COL9A1: variants seen among roughly 807,000 people sequenced by gnomAD.
COL9A1 encodes the protein collagen type IX alpha 1 chain.
COL9A1 carries 104 observed loss-of-function variants against 142.6 expected under a neutral mutation model. The ratio of observed to expected loss-of-function variants is 0.73; its 90% CI spans 0.62 to 0.86. The LOEUF (loss-of-function observed/expected upper bound fraction) is 0.86. COL9A1 is among the 40% of genes least tolerant of loss of function. The probability of loss-of-function intolerance (pLI) is 0.00; values close to 1 mark genes in which losing one functional copy is unlikely to be tolerated. For synonymous variants in COL9A1, 466 were observed against 396.0 expected, an observed-to-expected ratio of 1.18 and a Z score of -2.10; for missense variants, 1,210 against 1,176.6, an observed-to-expected ratio of 1.03 and a Z score of -0.42.
rs71309305 is a variant in COL9A1 at position 70,273,941 on chromosome 6, TAATA to T, written c.1065+102_1065+105del. On this transcript the variant is annotated intron_variant, in intron 12 of 37. Transcript: ENST00000357250. ...ATGTACCCTAAAACTTAAAGTATAATAATAAATAAATAAATAAATAAATAAATAA... is the reference window on the plus strand; with the variant it reads ...ATGTACCCTAAAACTTAAAGTATAATAATAAATAAATAAATAAATAAATAA... 0.32 allele frequency: 153,511 copies of T among 473,198 alleles called. 28,667 individuals carry two copies. The highest frequency in any genetic ancestry group is 0.43 in the African/African-American group (19,305 of 44,920). The allele number at this position is 473,198 out of a possible 1,614,324, so 29.3% of individuals were successfully genotyped here. A position where few individuals can be genotyped will look rare whatever the true frequency, so the allele number is the denominator to read the frequency against.
intron 37 of COL9A1, among the ~76,000 whole-genome samples, chr6:70,221,521 T>C (rs562194696): frequency 6.6e-6 from 1 of 152,282 alleles, no homozygotes; most frequent in South Asian, 2.1e-4. Context: ...GTGTGTATTT[T>C]TCCACTCAAT....
intron 4 of COL9A1, among the ~76,000 whole-genome samples, chr6:70,297,958 A>G (rs1215822527): frequency 6.6e-6 from 1 of 152,132 alleles, no homozygotes; most frequent in Non-Finnish European, 1.5e-5. Flanking sequence ...ATACCGTAAT[A>G]TTTTCCTCCC....
intron 5 of COL9A1, among the ~76,000 whole-genome samples, chr6:70,286,526 A>G (rs1302743618): frequency 6.6e-6 from 1 of 152,210 alleles, no homozygotes; most frequent in Non-Finnish European, 1.5e-5. Context: ...ACAACTATAA[A>G]ACACCAAAAA....
chr6:70,241,995 G>A lies in COL9A1; in HGVS notation c.1967C>T (p.Pro656Leu), dbSNP rs1434389439. 19 of 1,600,120 alleles carry A rather than the reference G, an allele frequency of 1.2e-5. No individual in the cohort carries two copies. Among genetic ancestry groups the A allele is most frequent in the Non-Finnish European group, 1.5e-5 (18 of 1,172,358 alleles). ...GSPGLPGLPG[P>L]PGLPGMKGDR... ...ACCTTTCATTCCAGGAAGTCCAGGG[G>A]GCCCAGGCAAGCCAGGGAGGCCAGG... is the stretch of plus-strand genomic sequence containing the variant. The change falls in exon 30 of 38, where the codon CCC becomes CTC. Residue 656 changes from proline (P) to leucine (L), a missense_variant. Physicochemically the swap from Pro to Leu is moderately conservative, Grantham distance 98. Coordinates refer to ENST00000357250, the MANE Select transcript of COL9A1 (RefSeq NM_001851.6).
intron 24 of COL9A1, 67 bp downstream of exon 24, chr6:70,254,896 A>T: frequency 7.1e-7 from 1 of 1,416,312 alleles, no homozygotes; most frequent in Non-Finnish European, 1.0e-6. Flanking sequence ...AGTAATGGAA[A>T]TGCCACACTC....
Position 70,242,033 on chromosome 6 carries a change from A to G in COL9A1, c.1929T>C (p.Gly643=). The G allele has an allele frequency of 1.9e-6, 3 of 1,591,286 alleles. No individual in the cohort carries two copies. The highest frequency in any genetic ancestry group is 2.6e-6 in the Non-Finnish European group (3 of 1,167,036). Residue 643 remains glycine (G), a splice_region_variant and synonymous_variant, in exon 30 of 38, where the codon GGT becomes GGC. Transcript: ENST00000357250. The part of the protein sequence containing the change: ...VGSPGLPGKL[G]SLGSPGLPGL... ...CAGGGAGGCCAGGGCTACCCAGAGA[A>G]CCCTGGAAAGCAAAAACAAAGTCCC...
At chr6:70,237,521 AG>A (rs1769990972) in intron 33 of COL9A1, among the ~76,000 whole-genome samples, 1 of 152,258 alleles carries the variant, frequency 6.6e-6, no homozygotes, top group Non-Finnish European at 1.5e-5. Flanking sequence ...CTTGTGGGGA[AG>A]GAGATGAATC....
chr6:70,277,677 C>G (rs1292615668), intron 10 of COL9A1, among the ~76,000 whole-genome samples: 1 of 152,232 alleles, frequency 6.6e-6, no homozygotes, highest in African/African-American at 2.4e-5. Flanking sequence ...CTTACTTCTA[C>G]AAGCATGACT....
chr6:70,268,744 G>C (rs1434138048), intron 17 of COL9A1, 60 bp downstream of exon 17: 3 of 1,496,942 alleles, frequency 2.0e-6, no homozygotes, highest in Admixed American at 3.4e-5. Context: ...AATGCTTAAA[G>C]TAAAGGCTCC....
chr6:70,283,851 GT>G, intron 5 of COL9A1, 31 bp from the exon 6 acceptor site: 1 of 1,529,150 alleles, frequency 6.5e-7, no homozygotes, highest in Non-Finnish European at 9.0e-7. Flanking sequence ...GTCAGGTAAG[GT>G]TTTTTGGACG....
At chr6:70,260,553 A>AAG in intron 20 of COL9A1, 104 bp downstream of exon 20, 2 of 978,426 alleles carry the variant, frequency 2.0e-6, no homozygotes, top group South Asian at 3.0e-5. Context: ...CATCTCAAAA[A>AAG]AAAAAAAAAA....
intron 33 of COL9A1, 41 bp downstream of exon 33, chr6:70,239,213 G>A (rs746285315): frequency 2.3e-6 from 3 of 1,296,266 alleles, no homozygotes; most frequent in East Asian, 4.6e-5. Context: ...CTTTATTAAT[G>A]TTTTTAATTT....
rs545033318 is a variant in COL9A1 at position 70,274,443 on chromosome 6, A to G, written c.1029+276T>C. Among the ~76,000 whole-genome samples the G allele has an allele frequency of 2.4e-4, 36 of 152,086 alleles. No homozygotes were observed. The South Asian group carries it at 6.9e-3, about 29-fold the overall frequency. On this transcript the variant is annotated intron_variant, in intron 11 of 37. Coordinates refer to ENST00000357250, the MANE Select transcript of COL9A1 (RefSeq NM_001851.6). ...TGTTCTTTTTATTCAGCTCCCACTT[A>G]TAAGTGAGAACATGCAGTATTTGGT...
chr6:70,252,045 T>C lies in COL9A1; in HGVS notation c.1872+75A>G, dbSNP rs138728075. 498 of 1,450,406 alleles carry C rather than the reference T, an allele frequency of 3.4e-4. No individual in the cohort carries two copies. The African/African-American group carries it at 6.3e-3, about 18-fold the overall frequency. The allele number at this position is 1,450,406 out of a possible 1,614,324, so 89.8% of individuals were successfully genotyped here. The stretch of plus-strand genomic sequence containing the variant: ...ACATCAGACAGCATTCATGGATAGA[T>C]GGATGAATGAATGGAAGAACATCCA... On this transcript the variant is annotated intron_variant, in intron 28 of 37. Coordinates refer to ENST00000357250, the MANE Select transcript of COL9A1 (RefSeq NM_001851.6).
chr6:70,216,816 C>A lies in COL9A1; in HGVS notation c.*81G>T. The A allele has an allele frequency of 1.4e-6, 2 of 1,445,928 alleles. No individual in the cohort carries two copies. The highest frequency in any genetic ancestry group is 1.9e-6 in the Non-Finnish European group (2 of 1,034,194). 89.6% of individuals were successfully genotyped at this position (1,445,928 alleles called of 1,614,324 possible). A position where few individuals can be genotyped will look rare whatever the true frequency, so the allele number is the denominator to read the frequency against. ...ATCATGCTGAAGGTAATCATCTTTG[C>A]CCCAGCTTTGGATGGTGTTTCTCAC... On this transcript the variant is annotated 3_prime_UTR_variant, in exon 38 of 38. Coordinates refer to ENST00000357250, the MANE Select transcript of COL9A1 (RefSeq NM_001851.6).
intron 1 of COL9A1, 129 bp from the exon 2 acceptor site, chr6:70,302,203 T>TA: frequency 2.1e-5 from 11 of 512,534 alleles, no homozygotes; most frequent in Non-Finnish European, 2.8e-5. Context: ...TTTTTTCATT[T>TA]CTTTTTTTTT....
intron 20 of COL9A1, among the ~76,000 whole-genome samples, chr6:70,259,929 G>C (rs1423064962): frequency 6.6e-6 from 1 of 152,020 alleles, no homozygotes; most frequent in Non-Finnish European, 1.5e-5. Flanking sequence ...AGGGCTCATG[G>C]ATCAGCTTGC....
At chr6:70,222,214 T>C (rs1350682066) in intron 37 of COL9A1, among the ~76,000 whole-genome samples, 1 of 152,196 alleles carries the variant, frequency 6.6e-6, no homozygotes, top group Non-Finnish European at 1.5e-5. Flanking sequence ...TTTCACTAAA[T>C]AATGTCAGAG....
intron 22 of COL9A1, 66 bp from the exon 23 acceptor site, chr6:70,255,269 A>G: frequency 6.2e-7 from 1 of 1,609,622 alleles, no homozygotes; most frequent in Non-Finnish European, 8.5e-7. Flanking sequence ...GACTTGTCAA[A>G]GAGATCAGCA....
Sources: gnomAD v4.1 joint callset for allele counts (sites outside exome capture counted in the v4.1 genomes callset) on GRCh38, gnomAD v4.1.1 for gene constraint, MANE v1.5 for transcripts, NCBI Gene and HGNC (gene_info 2026-07-23, HGNC 2026-07-21) for gene names.